Variants in ADAM22 observed in about 807,000 individuals in gnomAD.
ADAM22 encodes the protein disintegrin and metalloproteinase domain-containing protein 22.
A neutral mutation model predicts 144.6 loss-of-function variants in ADAM22; 65 were observed. The observed-to-expected ratio is 0.45, with a 90% CI of 0.37 to 0.55. The LOEUF (loss-of-function observed/expected upper bound fraction) is 0.55. Among genes scored for constraint, ADAM22 ranks in the 20% least tolerant of loss-of-function variants. The pLI is 0.00. For missense variants in ADAM22, 974 were observed against 1,184.9 expected (o/e 0.82, Z 2.61); for synonymous variants, 391 against 412.6 (o/e 0.95, Z 0.63).
intron 3 of ADAM22, among the ~76,000 whole-genome samples, chr7:87,987,579 GA>G (rs1462967945): frequency 6.6e-6 from 1 of 152,184 alleles, no homozygotes; most frequent in Admixed American, 6.5e-5. Context: ...TGGGTTCCCA[GA>G]CATATTTAAT....
chr7:87,952,750 C>T (rs190983897), intron 2 of ADAM22, among the ~76,000 whole-genome samples: 40 of 152,182 alleles, frequency 2.6e-4, no homozygotes, highest in African/African-American at 7.0e-4. Context: ...TGGTAGAATT[C>T]GGCTGTGAAT....
At chr7:87,947,482 T>C (rs938398674) in intron 2 of ADAM22, among the ~76,000 whole-genome samples, 1 of 151,908 alleles carries the variant, frequency 6.6e-6, no homozygotes, top group Non-Finnish European at 1.5e-5. Flanking sequence ...CCACAGTGTA[T>C]AGCAGTTTTC....
At chr7:88,080,758 T>C (rs1816308774) in intron 4 of ADAM22, among the ~76,000 whole-genome samples, 1 of 152,088 alleles carries the variant, frequency 6.6e-6, no homozygotes, top group Non-Finnish European at 1.5e-5. Context: ...AAGAAATGGA[T>C]AAATTCCTTG....
intron 3 of ADAM22, among the ~76,000 whole-genome samples, chr7:88,014,024 A>G (rs1439702748): frequency 6.6e-6 from 1 of 152,158 alleles, no homozygotes; most frequent in East Asian, 1.9e-4. Context: ...AAGGAGTAAC[A>G]TCTATGAAAT....
chr7:87,946,712 A>C (rs552113215), intron 2 of ADAM22, among the ~76,000 whole-genome samples: 1 of 152,282 alleles, frequency 6.6e-6, no homozygotes, highest in Non-Finnish European at 1.5e-5. Flanking sequence ...TGGTCTATGT[A>C]TAGCCAAAAG....
At chr7:87,938,207 A>AT (rs59698275) in intron 2 of ADAM22, among the ~76,000 whole-genome samples, 14,186 of 75,534 alleles carry the variant, frequency 0.19, 3,733 homozygotes, top group Non-Finnish European at 0.24. Flanking sequence ...ATACCCATAG[A>AT]TTTTTTTTTT....
At chr7:87,995,263 G>A (rs556872059) in intron 3 of ADAM22, among the ~76,000 whole-genome samples, 9 of 152,316 alleles carry the variant, frequency 5.9e-5, no homozygotes, top group Non-Finnish European at 1.0e-4. Context: ...ACCGTTGATT[G>A]CTGCTGGGCA....
chr7:88,192,207 C>A (rs1849769288), intron 30 of ADAM22, among the ~76,000 whole-genome samples: 2 of 152,158 alleles, frequency 1.3e-5, no homozygotes, highest in Admixed American at 1.3e-4. Context: ...GGGTTTTTAC[C>A]ACCTTGCACC....
At chr7:87,934,690 G>A (rs1840758555) in intron 1 of ADAM22, 140 bp downstream of exon 1, 2 of 860,576 alleles carry the variant, frequency 2.3e-6, no homozygotes, top group Non-Finnish European at 3.4e-6. Context: ...TAATTCGGGA[G>A]GGTGGTGAGA....
chr7:88,195,052 A>T (rs1586676425), intron 31 of ADAM22, among the ~76,000 whole-genome samples: 1 of 152,186 alleles, frequency 6.6e-6, no homozygotes, highest in South Asian at 2.1e-4. Flanking sequence ...ATATAGAAAC[A>T]TCTACTTACT....
intron 5 of ADAM22, among the ~76,000 whole-genome samples, chr7:88,113,703 A>AATAAATATATATATATATATAT (rs1554478726): frequency 1.0e-4 from 5 of 48,108 alleles, no homozygotes; most frequent in Non-Finnish European, 1.5e-4. Flanking sequence ...TAAATAAATA[A>AATAAATATATATATATATATAT]ATATATATAT....
At position 88,168,120 on chromosome 7, in the gene ADAM22, C is replaced by A. The variant is rs539299387; in HGVS notation, c.2192-17C>A. 2 of 1,606,982 alleles carry A rather than the reference C, an allele frequency of 1.2e-6. No individual in the cohort carries two copies. The highest frequency in any genetic ancestry group is 1.7e-5 in the Admixed American group (1 of 59,600). Reference sequence around the variant, plus strand: ...TTTATACCACTGATCTTCCTTCTTTCTTTTTTTTCCTCTCAGGTGTTGCTG... The same window carrying A: ...TTTATACCACTGATCTTCCTTCTTTATTTTTTTTCCTCTCAGGTGTTGCTG... On this transcript the variant is annotated splice_polypyrimidine_tract_variant and intron_variant, in intron 24 of 31. Coordinates refer to ENST00000413139, the MANE Select transcript of ADAM22 (RefSeq NM_001324418.2).
intron 3 of ADAM22, among the ~76,000 whole-genome samples, chr7:88,063,673 G>A (rs1810470516): frequency 6.6e-6 from 1 of 152,170 alleles, no homozygotes; most frequent in Admixed American, 6.6e-5. Flanking sequence ...CAATTTTGAT[G>A]TTTTAGAATG....
chr7:87,991,390 C>T (rs193143186), intron 3 of ADAM22, among the ~76,000 whole-genome samples: 1,904 of 131,480 alleles, frequency 0.014, 40 homozygotes, highest in African/African-American at 0.05. Flanking sequence ...GACGGAGTCT[C>T]GCTCTGTCGC....
intron 7 of ADAM22, among the ~76,000 whole-genome samples, chr7:88,122,861 T>C (rs953451310): frequency 6.6e-6 from 1 of 152,224 alleles, no homozygotes; most frequent in African/African-American, 2.4e-5. Flanking sequence ...GACTCTTGGC[T>C]CTGTGTTCTC....
At chr7:88,111,255 G>T (rs1193439065) in intron 5 of ADAM22, among the ~76,000 whole-genome samples, 2 of 151,958 alleles carry the variant, frequency 1.3e-5, no homozygotes, top group Admixed American at 6.6e-5. Context: ...GAAATGTTTT[G>T]GGGGGATGTT....
At chr7:88,080,617 G>T (rs1312705697) in intron 4 of ADAM22, among the ~76,000 whole-genome samples, 1 of 151,744 alleles carries the variant, frequency 6.6e-6, no homozygotes, top group Non-Finnish European at 1.5e-5. Context: ...TAATAAAGAA[G>T]AAAAGAGAGA....
At chr7:87,981,731 A>G (rs1853479922) in intron 3 of ADAM22, among the ~76,000 whole-genome samples, 1 of 151,836 alleles carries the variant, frequency 6.6e-6, no homozygotes, top group African/African-American at 2.4e-5. Context: ...ACCATGGATA[A>G]AAGACAGGAT....
chr7:87,990,669 T>C (rs1050749397), intron 3 of ADAM22, among the ~76,000 whole-genome samples: 1 of 152,026 alleles, frequency 6.6e-6, no homozygotes, highest in African/African-American at 2.4e-5. Context: ...CCCCTTTTCT[T>C]CTTTTTTTTT....
Sources: allele counts gnomAD v4.1 joint callset (sites outside exome capture counted in the v4.1 genomes callset), GRCh38; gene constraint gnomAD v4.1.1; transcripts MANE v1.5; gene names NCBI Gene and HGNC (gene_info 2026-07-23, HGNC 2026-07-21).